The following ANKDD1A variants were observed in gnomAD, a reference collection of about 807,000 sequenced individuals.
ANKDD1A encodes ankyrin repeat and death domain containing 1A.
Under a neutral mutation model 63.5 loss-of-function variants are expected in ANKDD1A, and 59 were observed. The observed-to-expected ratio is 0.93, with a 90% CI of 0.75 to 1.15. ANKDD1A has a LOEUF of 1.15. Among genes scored for constraint, ANKDD1A ranks in the 50% most tolerant of loss-of-function variants. The pLI is 0.00. For missense variants in ANKDD1A, 632 were observed against 656.4 expected (o/e 0.96, Z 0.41); for synonymous variants, 266 against 263.9 (o/e 1.01, Z -0.08).
At chr15:64,956,406 A>G (rs899128901) in intron 14 of ANKDD1A, among the ~76,000 whole-genome samples, 2 of 152,018 alleles carry the variant, frequency 1.3e-5, no homozygotes, top group African/African-American at 4.8e-5. Flanking sequence ...AAAATTAGCC[A>G]GGCATGGTGG....
chr15:64,936,633 G>A (rs2085135225), intron 9 of ANKDD1A, among the ~76,000 whole-genome samples: 1 of 152,086 alleles, frequency 6.6e-6, no homozygotes, highest in South Asian at 2.1e-4. Context: ...GAGTCCAGGA[G>A]TTCGAGACCA....
intron 14 of ANKDD1A, among the ~76,000 whole-genome samples, chr15:64,952,369 T>G (rs952094096): frequency 9.8e-6 from 1 of 102,222 alleles, no homozygotes; most frequent in African/African-American, 3.9e-5. Flanking sequence ...TTCTTCTTTC[T>G]TCTTCCTCTT....
chr15:64,943,555 T>G lies in ANKDD1A; in HGVS notation c.1038T>G (p.Ala346=). ...ACATAGCAGATATGCTCCTCATTGC[T>G]GGGGTTGACTTAAACCTGAGAGATA... The part of the protein sequence containing the change: ...WQDIADMLLI[A]GVDLNLRDKQ... The change falls in exon 11 of 15, where the codon GCT becomes GCG. Residue 346 remains alanine, a synonymous_variant. Coordinates refer to ENST00000319580, the MANE Select transcript of ANKDD1A (RefSeq NM_182703.6). The G allele has an allele frequency of 6.2e-7, 1 of 1,614,196 alleles. No homozygotes were observed. Among genetic ancestry groups the G allele is most frequent in the South Asian group, 1.1e-5 (1 of 91,090 alleles).
intron 4 of ANKDD1A, among the ~76,000 whole-genome samples, chr15:64,922,981 CTTG>C (rs1410595094): frequency 2.0e-5 from 3 of 152,156 alleles, no homozygotes; most frequent in Non-Finnish European, 2.9e-5. Flanking sequence ...TTCACTAGAT[CTTG>C]TTGTTTAACG....
Position 64,924,468 on chromosome 15 carries a change from C to T in ANKDD1A, c.367-1598C>T, listed in dbSNP as rs187180462. 9.1e-4 allele frequency among the ~76,000 whole-genome samples: 139 copies of T among 152,346 alleles called. 1 individual carries two copies. Among genetic ancestry groups the T allele is most frequent in the African/African-American group, 3.2e-3 (134 of 41,564 alleles). ...AGCCAGCTTTGCAAATGATAGACCC[C>T]ACTCTTCCTTTCAATCTCTTATTCA... On this transcript the variant is annotated intron_variant, in intron 4 of 14. Transcript: ENST00000319580.
intron 1 of ANKDD1A, among the ~76,000 whole-genome samples, chr15:64,914,690 A>C (rs974983422): frequency 2.6e-5 from 4 of 152,212 alleles, no homozygotes; most frequent in Non-Finnish European, 4.4e-5. Flanking sequence ...CAGGGCCTCC[A>C]AAATACTTGA....
At chr15:64,920,996 G>A (rs2085003263) in intron 3 of ANKDD1A, among the ~76,000 whole-genome samples, 1 of 151,982 alleles carries the variant, frequency 6.6e-6, no homozygotes, top group African/African-American at 2.4e-5. Context: ...TTTGAGACAG[G>A]GTTTCGCTCT....
At chr15:64,928,111 G>T (rs984603516) in intron 6 of ANKDD1A, among the ~76,000 whole-genome samples, 7 of 152,244 alleles carry the variant, frequency 4.6e-5, no homozygotes, top group African/African-American at 1.4e-4. Context: ...CTGATGCCCA[G>T]AGAGGGACAT....
At chr15:64,930,771 A>C in intron 6 of ANKDD1A, 51 bp from the exon 7 acceptor site, 1 of 1,566,068 alleles carries the variant, frequency 6.4e-7, no homozygotes, top group South Asian at 1.2e-5. Flanking sequence ...CAGGTCTGTG[A>C]TTCTGGGACT....
rs1307680653 is a variant in ANKDD1A at position 64,953,520 on chromosome 15, T to TC, written c.1483+3549dup. Reference sequence around the variant, plus strand: ...AGTTCTTCCTCCTCTTCCTTCTCCTTCTTCCTTCTTCTCCTCTCCTTCTTC... The same window carrying TC: ...AGTTCTTCCTCCTCTTCCTTCTCCTTCCTTCCTTCTTCTCCTCTCCTTCTTC... On this transcript the variant is annotated intron_variant, in intron 14 of 14. Coordinates refer to ENST00000319580, the MANE Select transcript of ANKDD1A (RefSeq NM_182703.6). Among the ~76,000 whole-genome samples, 225 of 55,780 alleles carry TC rather than the reference T, an allele frequency of 4.0e-3. 1 individual carries two copies. Among genetic ancestry groups the TC allele is most frequent in the African/African-American group, 0.013 (206 of 15,846 alleles). 36.6% of individuals were successfully genotyped at this position (55,780 alleles called of 152,430 possible). A position where few individuals can be genotyped will look rare whatever the true frequency, so the allele number is the denominator to read the frequency against.
Position 64,917,472 on chromosome 15 carries a change from CGAG to C in ANKDD1A, c.231_233del (p.Glu77del). On this transcript the variant is annotated inframe_deletion, in exon 3 of 15. Coordinates refer to ENST00000319580, the MANE Select transcript of ANKDD1A (RefSeq NM_182703.6). ...TTCTGGAGCACGAGGCTGCTGTGGA[CGAG>C]GAGGATGCGGTAGGGGCCCTCACAG... The C allele has an allele frequency of 5.0e-6, 8 of 1,600,870 alleles. No homozygotes were observed. The highest frequency in any genetic ancestry group is 6.8e-6 in the Non-Finnish European group (8 of 1,174,180).
chr15:64,931,670 A>T, intron 8 of ANKDD1A, 85 bp downstream of exon 8: 2 of 1,422,948 alleles, frequency 1.4e-6, no homozygotes, highest in Non-Finnish European at 1.9e-6. Context: ...GGGATTCCTG[A>T]ACCCTGAGTG....
intron 8 of ANKDD1A, among the ~76,000 whole-genome samples, chr15:64,933,531 T>C (rs2085105617): frequency 6.6e-6 from 1 of 152,104 alleles, no homozygotes; most frequent in Admixed American, 6.6e-5. Flanking sequence ...TGGCAAATCT[T>C]ATTTGTCTTC....
chr15:64,951,863 CTTCTT>C (rs1378775333), intron 14 of ANKDD1A, among the ~76,000 whole-genome samples: 14 of 15,252 alleles, frequency 9.2e-4, no homozygotes, highest in East Asian at 0.067. Flanking sequence ...TCTTCTTCCT[CTTCTT>C]TTTCTTTCTT....
At chr15:64,950,791 C>A in intron 14 of ANKDD1A, 1 of 971,538 alleles carries the variant, frequency 1.0e-6, no homozygotes, top group Non-Finnish European at 1.2e-6. Flanking sequence ...AGACTCATTT[C>A]AGGGTAGAGA....
intron 14 of ANKDD1A, among the ~76,000 whole-genome samples, chr15:64,955,991 GA>G (rs1255191687): frequency 6.6e-6 from 1 of 152,198 alleles, no homozygotes; most frequent in Non-Finnish European, 1.5e-5. Flanking sequence ...GGGGACTGGT[GA>G]AATAGAGTAT....
chr15:64,953,444 T>C lies in ANKDD1A; in HGVS notation c.1483+3472T>C, dbSNP rs2085339931. Among the ~76,000 whole-genome samples, 49 of 113,266 alleles carry C rather than the reference T, an allele frequency of 4.3e-4. 1 individual carries two copies. The highest frequency in any genetic ancestry group is 8.2e-4 in the Non-Finnish European group (43 of 52,462). 74.3% of individuals were successfully genotyped at this position (113,266 alleles called of 152,430 possible). ...CCTTCTTCTTCCTCCTCCTTCCTTT[T>C]CTTCTTTCTTCTCTCCTTCTTCTTC... On this transcript the variant is annotated intron_variant, in intron 14 of 14. Transcript: ENST00000319580.
chr15:64,954,200 CCTT>C (rs2085376927), intron 14 of ANKDD1A, among the ~76,000 whole-genome samples: 794 of 7,722 alleles, frequency 0.1, 13 homozygotes, highest in African/African-American at 0.16. Context: ...CTTTCTTGTT[CCTT>C]ATTCTTTTCT....
In ANKDD1A at chr15:64,944,720, A is replaced by G; in HGVS notation, c.1134A>G (p.Lys378=). The part of the protein sequence containing the change: ...NHVSLVDMII[K]ADRFYRWEKD... Reference sequence around the variant, plus strand: ...TCAGCCTGGTGGACATGATCATAAAAGCTGATCGTTTCTACAGATGGGAGA... The same window carrying G: ...TCAGCCTGGTGGACATGATCATAAAGGCTGATCGTTTCTACAGATGGGAGA... Residue 378 remains lysine, a synonymous_variant, in exon 12 of 15, where the codon AAA becomes AAG. Transcript: ENST00000319580. The G allele has an allele frequency of 1.2e-6, 2 of 1,614,160 alleles. 1 individual carries two copies. The highest frequency in any genetic ancestry group is 2.2e-5 in the South Asian group (2 of 91,076).
Sources: allele counts gnomAD v4.1 joint callset (sites outside exome capture counted in the v4.1 genomes callset), GRCh38; gene constraint gnomAD v4.1.1; transcripts MANE v1.5; gene names NCBI Gene and HGNC (gene_info 2026-07-23, HGNC 2026-07-21).